Variants in ERP44 observed in about 807,000 individuals in gnomAD.
The protein encoded by ERP44 is endoplasmic reticulum resident protein 44.
ERP44 carries 25 observed loss-of-function variants against 53.4 expected under a neutral mutation model. The observed-to-expected ratio is 0.47, with a 90% CI of 0.34 to 0.65. The LOEUF (loss-of-function observed/expected upper bound fraction) is 0.65. Among genes scored for constraint, ERP44 ranks in the 30% least tolerant of loss-of-function variants. The probability of loss-of-function intolerance (pLI) is 0.01; values close to 1 mark genes in which losing one functional copy is unlikely to be tolerated. For synonymous variants in ERP44, 145 were observed against 161.2 expected, an observed-to-expected ratio of 0.90 and a Z score of 0.76; for missense variants, 338 against 493.2, an observed-to-expected ratio of 0.69 and a Z score of 2.98.
At chr9:100,042,145 T>G (rs1429685018) in intron 4 of ERP44, among the ~76,000 whole-genome samples, 1 of 152,168 alleles carries the variant, frequency 6.6e-6, no homozygotes, top group African/African-American at 2.4e-5. Flanking sequence ...GAGAAAATAT[T>G]TGCCAACTAT....
At position 100,089,328 on chromosome 9, in the gene ERP44, C is replaced by A. The variant is rs887699000; in HGVS notation, c.57+9456G>T. Among the ~76,000 whole-genome samples, 7 of 152,170 alleles carry A rather than the reference C, an allele frequency of 4.6e-5. No homozygotes were observed. In the South Asian group the frequency reaches 6.2e-4, roughly 14 times the overall value. ...GGCGTGGTGGCTCATGCCTGTTAAT[C>A]CCAGCACTTTGGAGGGCCAAGGCAG... On this transcript the variant is annotated intron_variant, in intron 1 of 11. Transcript: ENST00000262455.
At chr9:100,016,215 T>A (rs185975965) in intron 8 of ERP44, 107 bp downstream of exon 8, 13 of 1,469,154 alleles carry the variant, frequency 8.8e-6, no homozygotes, top group Non-Finnish European at 1.2e-5. Context: ...GTTCACTATA[T>A]GATTCTTACA....
chr9:100,010,144 TAAACA>T (rs1830459469), intron 8 of ERP44, among the ~76,000 whole-genome samples: 1 of 152,216 alleles, frequency 6.6e-6, no homozygotes, highest in African/African-American at 2.4e-5. Flanking sequence ...TATCAATAAA[TAAACA>T]AATGTTGCTA....
At chr9:100,075,724 G>A (rs1826348176) in intron 1 of ERP44, among the ~76,000 whole-genome samples, 1 of 152,130 alleles carries the variant, frequency 6.6e-6, no homozygotes, top group Non-Finnish European at 1.5e-5. Flanking sequence ...GCTGCATTTG[G>A]CCCCTCCTAC....
intron 4 of ERP44, among the ~76,000 whole-genome samples, chr9:100,051,323 T>A (rs921313156): frequency 2.0e-5 from 3 of 152,234 alleles, no homozygotes; most frequent in Admixed American, 6.5e-5. Context: ...CTGAGCTATG[T>A]AACATTGATT....
At chr9:100,092,999 G>C (rs1015454615) in intron 1 of ERP44, among the ~76,000 whole-genome samples, 4 of 152,134 alleles carry the variant, frequency 2.6e-5, no homozygotes, top group African/African-American at 9.7e-5. Flanking sequence ...TTCTAGAAAA[G>C]TAACCTGAGA....
chr9:100,044,844 CATTTTT>C (rs1477625723), intron 4 of ERP44, among the ~76,000 whole-genome samples: 1 of 152,044 alleles, frequency 6.6e-6, no homozygotes, highest in Non-Finnish European at 1.5e-5. Flanking sequence ...ATTGCAATTG[CATTTTT>C]ATTTATATAA....
At chr9:100,051,035 G>A (rs10988956) in intron 4 of ERP44, among the ~76,000 whole-genome samples, 31,368 of 152,132 alleles carry the variant, frequency 0.21, 5,494 homozygotes, top group African/African-American at 0.48. Context: ...CTCTGTCAGC[G>A]AAAGGTCGGA....
intron 10 of ERP44, among the ~76,000 whole-genome samples, chr9:99,993,549 CATAAAAACCCTA>C (rs1830277905): frequency 6.6e-6 from 1 of 152,120 alleles, no homozygotes; most frequent in Non-Finnish European, 1.5e-5. Context: ...GACCTAAAAC[CATAAAAACCCTA>C]GAAGAAAACC....
rs1359184182 is a variant in ERP44, at chr9:100,002,684, GAATCTTCTCTTGCTGCTTTCAT to G, written c.1016+3800_1016+3821del. Among the ~76,000 whole-genome samples, 150 of 151,858 alleles carry G rather than the reference GAATCTTCTCTTGCTGCTTTCAT, an allele frequency of 9.9e-4. 1 individual carries two copies. The highest frequency in any genetic ancestry group is 3.1e-3 in the East Asian group (16 of 5,174). On this transcript the variant is annotated intron_variant, in intron 10 of 11. Transcript: ENST00000262455. Reference sequence around the variant, plus strand: ...ATTTGCTCTTCTCTTGCTGCTTTCAGAATCTTCTCTTGCTGCTTTCATAATCTTCTCTTGCTGCTTTCATAAT... The same window carrying G: ...ATTTGCTCTTCTCTTGCTGCTTTCAGAATCTTCTCTTGCTGCTTTCATAAT...
At chr9:100,090,822 A>G (rs1392814265) in intron 1 of ERP44, among the ~76,000 whole-genome samples, 1 of 152,172 alleles carries the variant, frequency 6.6e-6, no homozygotes, top group Non-Finnish European at 1.5e-5. Context: ...TCTATAGGAC[A>G]AGAAATTTTA....
chr9:100,034,696 A>G (rs1190389611), intron 4 of ERP44, among the ~76,000 whole-genome samples: 1 of 152,182 alleles, frequency 6.6e-6, no homozygotes, highest in Non-Finnish European at 1.5e-5. Context: ...AACGATATCA[A>G]TTCATTTCCA....
intron 1 of ERP44, among the ~76,000 whole-genome samples, chr9:100,068,458 C>A (rs7032015): frequency 7.4e-6 from 1 of 134,416 alleles, no homozygotes; most frequent in African/African-American, 2.7e-5. Flanking sequence ...TCTGCCCGGC[C>A]GCCCCTACTG....
chr9:100,080,256 T>A (rs1826408935), intron 1 of ERP44, among the ~76,000 whole-genome samples: 1 of 152,204 alleles, frequency 6.6e-6, no homozygotes, highest in Non-Finnish European at 1.5e-5. Flanking sequence ...ACAGAGAGCT[T>A]ACAGGAAAAC....
intron 6 of ERP44, 132 bp from the exon 7 acceptor site, chr9:100,018,445 T>G: frequency 1.7e-6 from 1 of 604,298 alleles, no homozygotes; most frequent in Non-Finnish European, 3.0e-6. Context: ...AAAGTATACA[T>G]TTAAAGAAAA....
At chr9:100,071,449 G>A (rs1324988348) in intron 1 of ERP44, among the ~76,000 whole-genome samples, 1 of 152,004 alleles carries the variant, frequency 6.6e-6, no homozygotes, top group African/African-American at 2.4e-5. Flanking sequence ...GTGAAACCTT[G>A]GCTTACTTAT....
chr9:99,985,260 CT>C (rs1830184249), intron 10 of ERP44, among the ~76,000 whole-genome samples, 191 bp from the exon 11 acceptor site: 1 of 152,144 alleles, frequency 6.6e-6, no homozygotes. Flanking sequence ...GTTTTGTATT[CT>C]AATTCCTGTA....
intron 10 of ERP44, among the ~76,000 whole-genome samples, chr9:100,005,093 T>G (rs1564087981): frequency 6.6e-6 from 1 of 152,344 alleles, no homozygotes; most frequent in East Asian, 1.9e-4. Context: ...TTAGTTCTCT[T>G]GACCTCATCC....
intron 10 of ERP44, among the ~76,000 whole-genome samples, chr9:99,997,009 A>ACG (rs1830318313): frequency 3.3e-5 from 5 of 149,912 alleles, no homozygotes; most frequent in African/African-American, 1.3e-4. Context: ...ATATATATAT[A>ACG]TGCACATATA....
Sources: gnomAD v4.1 joint callset for allele counts (sites outside exome capture counted in the v4.1 genomes callset) on GRCh38, gnomAD v4.1.1 for gene constraint, MANE v1.5 for transcripts, NCBI Gene and HGNC (gene_info 2026-07-23, HGNC 2026-07-21) for gene names.